The following PARD3B variants were observed in gnomAD, a reference collection of about 807,000 sequenced individuals.
The protein encoded by PARD3B is partitioning defective 3 homolog B.
In PARD3B, 103 loss-of-function variants were observed where a neutral mutation model predicts 130.2. The ratio of observed to expected loss-of-function variants is 0.79; its 90% confidence interval spans 0.67 to 0.93. The LOEUF (loss-of-function observed/expected upper bound fraction) is 0.93, where lower values mean the gene tolerates loss of function less well. PARD3B is among the 40% of genes least tolerant of loss of function. PARD3B has a pLI of 0.00. For synonymous variants in PARD3B, 583 were observed against 553.2 expected (o/e 1.05, Z -0.76); for missense variants, 1,609 against 1,499.2 (o/e 1.07, Z -1.21).
chr2:205,442,588 GC>G (rs745784209), intron 20 of PARD3B, among the ~76,000 whole-genome samples: 4 of 152,040 alleles, frequency 2.6e-5, no homozygotes, highest in Non-Finnish European at 5.9e-5. Context: ...GGCATAAGCC[GC>G]CGGGCCTGGG....
At chr2:204,945,515 G>C (rs188612851) in intron 2 of PARD3B, among the ~76,000 whole-genome samples, 1 of 152,172 alleles carries the variant, frequency 6.6e-6, no homozygotes, top group Non-Finnish European at 1.5e-5. Context: ...TGTGAAAAGG[G>C]CTATGTTATT....
chr2:204,827,564 T>A (rs757152559), intron 2 of PARD3B, among the ~76,000 whole-genome samples: 3 of 152,206 alleles, frequency 2.0e-5, no homozygotes, highest in Non-Finnish European at 4.4e-5. Flanking sequence ...TACCCATTAG[T>A]CTAACACTTT....
intron 21 of PARD3B, among the ~76,000 whole-genome samples, chr2:205,507,271 G>A (rs1226676140): frequency 1.5e-5 from 2 of 131,156 alleles, no homozygotes; most frequent in African/African-American, 5.8e-5. Flanking sequence ...CTGGAGTGCA[G>A]TGGCACGATC....
intron 3 of PARD3B, among the ~76,000 whole-genome samples, chr2:204,977,772 A>G (rs898894536): frequency 7.1e-6 from 1 of 141,152 alleles, no homozygotes; most frequent in Non-Finnish European, 1.5e-5. Context: ...AGATGGCGCC[A>G]CTGCACTCCA....
Position 204,887,482 on chromosome 2 carries a change from A to G in PARD3B, c.223-77670A>G, listed in dbSNP as rs2046304285. 1.3e-5 allele frequency among the ~76,000 whole-genome samples: 2 copies of G among 152,300 alleles called. No individual in the cohort carries two copies. The highest frequency in any genetic ancestry group is 6.5e-5 in the Admixed American group (1 of 15,306). On this transcript the variant is annotated intron_variant, in intron 2 of 22. Coordinates refer to ENST00000406610, the MANE Select transcript of PARD3B (RefSeq NM_001302769.2). This position sits in a 1 kb window ranked among gnomAD's most constrained non-coding sequence, Gnocchi z 4.2. ...GCCTGTCTGCATGTTGGCTAGTTGT[A>G]GCAAGTTTTAAAAGCAAAACACTCA...
intron 15 of PARD3B, among the ~76,000 whole-genome samples, chr2:205,193,662 G>C (rs955190270): frequency 9.2e-5 from 14 of 152,118 alleles, no homozygotes; most frequent in Admixed American, 2.0e-4. Flanking sequence ...CTTCTGCCAG[G>C]GCATTTCCAC....
chr2:205,278,426 A>G (rs752722600), intron 16 of PARD3B, among the ~76,000 whole-genome samples: 12 of 152,196 alleles, frequency 7.9e-5, no homozygotes, highest in Non-Finnish European at 1.5e-4. Flanking sequence ...TCCCTCATAC[A>G]TAAGGCTAAG....
At chr2:205,087,961 A>T (rs1462777985) in intron 4 of PARD3B, among the ~76,000 whole-genome samples, 1 of 152,248 alleles carries the variant, frequency 6.6e-6, no homozygotes, top group Non-Finnish European at 1.5e-5. Context: ...CAGTGTAATC[A>T]TAAGGACATC....
chr2:204,689,559 C>A lies in PARD3B; in HGVS notation c.222+3277C>A, dbSNP rs1470972470. On this transcript the variant is annotated intron_variant, in intron 2 of 22. Coordinates refer to ENST00000406610, the MANE Select transcript of PARD3B (RefSeq NM_001302769.2). The surrounding 1 kb of genome is among the most constrained non-coding windows in gnomAD (Gnocchi z 5.2). ...AATTGTAATTTTACACTCATGTCTCCTCTCTGGTTGCTAAAGGCTACCAAC... is the reference window on the plus strand; with the variant it reads ...AATTGTAATTTTACACTCATGTCTCATCTCTGGTTGCTAAAGGCTACCAAC... Among the ~76,000 whole-genome samples, 4 of 152,022 alleles carry A rather than the reference C, an allele frequency of 2.6e-5. No individual in the cohort carries two copies. Among genetic ancestry groups the A allele is most frequent in the African/African-American group, 4.8e-5 (2 of 41,396 alleles).
intron 2 of PARD3B, among the ~76,000 whole-genome samples, chr2:204,706,210 A>T (rs2038143417): frequency 6.6e-6 from 1 of 151,996 alleles, no homozygotes; most frequent in Admixed American, 6.6e-5. Context: ...TACTAAAAAT[A>T]CAAAAAATTA....
At chr2:204,883,433 A>AT (rs2046138404) in intron 2 of PARD3B, among the ~76,000 whole-genome samples, 1 of 105,772 alleles carries the variant, frequency 9.5e-6, no homozygotes, top group African/African-American at 4.3e-5. Context: ...TATATATATA[A>AT]AATATATATA....
intron 21 of PARD3B, among the ~76,000 whole-genome samples, chr2:205,544,345 G>A (rs1336345725): frequency 1.3e-5 from 2 of 151,996 alleles, no homozygotes; most frequent in East Asian, 3.9e-4. Context: ...TAGGTAGACA[G>A]ATGGGGGATA....
chr2:205,555,012 T>G lies in PARD3B; in HGVS notation c.3260+1609T>G, dbSNP rs534082424. Among the ~76,000 whole-genome samples the G allele has an allele frequency of 2.0e-5, 3 of 152,330 alleles. No homozygotes were observed. In the South Asian group the frequency reaches 6.2e-4, roughly 32 times the overall value. On this transcript the variant is annotated intron_variant, in intron 22 of 22. Transcript: ENST00000406610. ...AGGGACAGTTACATTTTGTTTCATT[T>G]TAAAAATGGAGGCAGTTTCCAAAAA...
chr2:204,668,487 C>G (rs1186187408), intron 1 of PARD3B, among the ~76,000 whole-genome samples: 1 of 152,164 alleles, frequency 6.6e-6, no homozygotes, highest in Non-Finnish European at 1.5e-5. Flanking sequence ...GAATTTGACT[C>G]AACGTTTCCT....
At chr2:204,855,142 G>T (rs1232141132) in intron 2 of PARD3B, among the ~76,000 whole-genome samples, 1 of 152,146 alleles carries the variant, frequency 6.6e-6, no homozygotes, top group Non-Finnish European at 1.5e-5. Context: ...AGAACTACTA[G>T]GCTCAAGCAG....
intron 19 of PARD3B, among the ~76,000 whole-genome samples, chr2:205,428,100 G>C (rs2047206210): frequency 6.6e-6 from 1 of 152,126 alleles, no homozygotes; most frequent in African/African-American, 2.4e-5. Flanking sequence ...AGTGGCCCCA[G>C]AGGCTGGGAG....
At chr2:205,462,735 C>A (rs1326319771) in intron 20 of PARD3B, among the ~76,000 whole-genome samples, 2 of 152,104 alleles carry the variant, frequency 1.3e-5, no homozygotes, top group Non-Finnish European at 2.9e-5. Flanking sequence ...GACAGATGAC[C>A]AAGATTACCA....
chr2:204,730,585 G>GAAAA lies in PARD3B; in HGVS notation c.222+44313_222+44316dup, dbSNP rs201459754. 6.7e-5 allele frequency among the ~76,000 whole-genome samples: 9 copies of GAAAA among 134,724 alleles called. 1 individual carries two copies. In the East Asian group the frequency reaches 2.0e-3, roughly 29 times the overall value. 88.4% of individuals were successfully genotyped at this position (134,724 alleles called of 152,430 possible). A position where few individuals can be genotyped will look rare whatever the true frequency, so the allele number is the denominator to read the frequency against. On this transcript the variant is annotated intron_variant, in intron 2 of 22. Coordinates refer to ENST00000406610, the MANE Select transcript of PARD3B (RefSeq NM_001302769.2). Reference sequence around the variant, plus strand: ...ACAGATGCAGGGGTAAAAAAAAAAAGAAAAAAAAAAAAAGTAGTGGGAAGG... The same window carrying GAAAA: ...ACAGATGCAGGGGTAAAAAAAAAAAGAAAAAAAAAAAAAAAAAGTAGTGGGAAGG...
In PARD3B at chr2:205,104,491, G is replaced by T. The variant is rs184381985; in HGVS notation, c.570G>T (p.Ser190=). Reference sequence around the variant, plus strand: ...GTGTACAGACAGAACTACTAACTTCGCCAAGAACTAAGGACACATTGAGGT... The same window carrying T: ...GTGTACAGACAGAACTACTAACTTCTCCAAGAACTAAGGACACATTGAGGT... ...LNGVQTELLT[S]PRTKDTLSDM... The change falls in exon 5 of 23, where the codon TCG becomes TCT. Residue 190 remains serine, a synonymous_variant. Coordinates refer to ENST00000406610, the MANE Select transcript of PARD3B (RefSeq NM_001302769.2). 4.4e-6 allele frequency: 7 copies of T among 1,581,130 alleles called. No homozygotes were observed. In the South Asian group the frequency reaches 7.8e-5, roughly 18 times the overall value.
Sources: gnomAD v4.1 joint callset for allele counts (sites outside exome capture counted in the v4.1 genomes callset) on GRCh38, gnomAD v4.1.1 for gene constraint, Gnocchi (gnomAD v3.1) non-coding constraint, MANE v1.5 for transcripts, NCBI Gene and HGNC (gene_info 2026-07-23, HGNC 2026-07-21) for gene names.